Variants in MAK observed in about 807,000 individuals in gnomAD.
The protein encoded by MAK is male germ cell associated kinase, also known as serine/threonine-protein kinase MAK.
In MAK, 65 loss-of-function variants were observed where a neutral mutation model predicts 82.6. The observed-to-expected ratio is 0.79, with a 90% CI of 0.64 to 0.97. The LOEUF is 0.97. MAK is among the 50% of genes least tolerant of loss of function. The pLI is 0.00. For synonymous variants in MAK, 250 were observed against 274.2 expected, an observed-to-expected ratio of 0.91 and a Z score of 0.87; for missense variants, 703 against 780.2, an observed-to-expected ratio of 0.90 and a Z score of 1.18.
At position 10,813,724 on chromosome 6, in the gene MAK, C is replaced by T. The variant is rs765270920; in HGVS notation, c.279-1G>A. ...GACTGATTCAGGGAACAACTTGTTT[C>T]TGTAAAGAAATGAACAGTCACATAA... On this transcript the variant is annotated splice_acceptor_variant, in intron 4 of 14. Transcript: ENST00000354489. LOFTEE classifies it high-confidence loss of function. 4 of 1,562,476 alleles carry T rather than the reference C, an allele frequency of 2.6e-6. No individual in the cohort carries two copies. Among genetic ancestry groups the T allele is most frequent in the Non-Finnish European group, 3.5e-6 (4 of 1,133,398 alleles).
chr6:10,834,568 A>AT (rs1420423605), intron 1 of MAK, among the ~76,000 whole-genome samples: 1 of 152,160 alleles, frequency 6.6e-6, no homozygotes, highest in East Asian at 1.9e-4. Flanking sequence ...CCACCTTAAG[A>AT]TTCCTAATGC....
intron 11 of MAK, among the ~76,000 whole-genome samples, chr6:10,783,772 G>T (rs1431341572): frequency 6.6e-6 from 1 of 152,188 alleles, no homozygotes; most frequent in Non-Finnish European, 1.5e-5. Context: ...TGTCATCTCA[G>T]CACTTTGGGA....
chr6:10,799,190 T>C (rs985229454), intron 8 of MAK, among the ~76,000 whole-genome samples: 4 of 152,218 alleles, frequency 2.6e-5, no homozygotes, highest in Non-Finnish European at 5.9e-5. Flanking sequence ...TTGAACATCT[T>C]TGAGCATAAT....
At chr6:10,807,097 C>T (rs79808910) in intron 6 of MAK, among the ~76,000 whole-genome samples, 11,916 of 151,968 alleles carry the variant, frequency 0.078, 1,451 homozygotes, top group African/African-American at 0.26. Flanking sequence ...TTGTTTCCTA[C>T]GACTGCCCTC....
intron 5 of MAK, among the ~76,000 whole-genome samples, chr6:10,810,475 G>GCCTCTGGAATAGCTGGT (rs1776848435): frequency 4.0e-5 from 6 of 151,400 alleles, no homozygotes; most frequent in African/African-American, 1.5e-4. Context: ...GAATAGCTGG[G>GCCTCTGGAATAGCTGGT]ATTACAGGCG....
intron 14 of MAK, among the ~76,000 whole-genome samples, chr6:10,769,240 T>A (rs978164185): frequency 6.6e-6 from 1 of 152,164 alleles, no homozygotes; most frequent in Admixed American, 6.5e-5. Flanking sequence ...AATAAATAAA[T>A]TAAACTACAA....
chr6:10,779,539 A>G, intron 11 of MAK: 1 of 952,066 alleles, frequency 1.1e-6, no homozygotes, highest in Non-Finnish European at 1.3e-6. Context: ...CAGAATCCTA[A>G]AAGTCGATGC....
chr6:10,810,816 T>C (rs1049008965), intron 5 of MAK, among the ~76,000 whole-genome samples: 2 of 152,192 alleles, frequency 1.3e-5, no homozygotes, highest in African/African-American at 4.8e-5. Context: ...ACTTTTGTAA[T>C]GTAACGACAG....
chr6:10,813,696 G>C lies in MAK; in HGVS notation c.306C>G (p.Ile102Met). The C allele has an allele frequency of 6.2e-7, 1 of 1,604,238 alleles. No individual in the cohort carries two copies. Among genetic ancestry groups the C allele is most frequent in the East Asian group, 2.2e-5 (1 of 44,774 alleles). The change falls in exon 5 of 15, where the codon ATC becomes ATG. Residue 102 changes from isoleucine (I) to methionine (M), a missense_variant. Physicochemically the swap from Ile to Met is conservative, Grantham distance 10 (BLOSUM62 1). Coordinates refer to ENST00000354489, the MANE Select transcript of MAK (RefSeq NM_001242957.3). The stretch of plus-strand genomic sequence containing the variant: ...GCAATATTTGATACATAATATTTCT[G>C]ATGACTGATTCAGGGAACAACTTGT... ...DRNKLFPESV[I>M]RNIMYQILQG... is the part of the protein sequence containing the mutation.
rs568604498 is a variant in MAK at position 10,776,122 on chromosome 6, T to A, written c.1466-663A>T. On this transcript the variant is annotated intron_variant, in intron 11 of 14. Transcript: ENST00000354489. The surrounding 1 kb of genome is among the most constrained non-coding windows in gnomAD (Gnocchi z 4.3). ...ATTTTCATGTCACTTGTTTTGAGCG[T>A]ATATTCTTGGCCCAACCCTTGGTGT... Among the ~76,000 whole-genome samples the A allele has an allele frequency of 1.9e-3, 295 of 152,250 alleles. 1 individual carries two copies. The highest frequency in any genetic ancestry group is 6.7e-3 in the African/African-American group (279 of 41,534).
intron 11 of MAK, among the ~76,000 whole-genome samples, chr6:10,783,703 G>A (rs1017032507): frequency 2.0e-4 from 31 of 152,242 alleles, no homozygotes; most frequent in East Asian, 5.8e-4. Flanking sequence ...ATGCTCTTCC[G>A]AGCAGGCAGA....
intron 2 of MAK, among the ~76,000 whole-genome samples, chr6:10,821,533 C>T (rs1438226391): frequency 6.6e-6 from 1 of 152,064 alleles, no homozygotes; most frequent in African/African-American, 2.4e-5. Flanking sequence ...ACCTCAGCCT[C>T]CCAAAGTGCT....
intron 8 of MAK, among the ~76,000 whole-genome samples, chr6:10,797,125 A>G (rs927905267): frequency 6.7e-6 from 1 of 150,324 alleles, no homozygotes; most frequent in African/African-American, 2.4e-5. Flanking sequence ...TACTAGTAAT[A>G]AAAAAAAAAT....
intron 4 of MAK, 31 bp downstream of exon 4, chr6:10,817,819 A>G (rs929929209): frequency 6.9e-6 from 10 of 1,457,414 alleles, no homozygotes; most frequent in Admixed American, 1.8e-5. Context: ...CATGGAGAGA[A>G]TAACAGGGAA....
In MAK at chr6:10,830,124, C is replaced by CGTGTGTGTGTGT. The variant is rs35519970; in HGVS notation, c.101+412_101+423dup. Among the ~76,000 whole-genome samples, 803 of 141,580 alleles carry CGTGTGTGTGTGT rather than the reference C, an allele frequency of 5.7e-3. 6 individuals are homozygous for CGTGTGTGTGTGT. The highest frequency in any genetic ancestry group is 0.013 in the Admixed American group (177 of 14,094). 92.9% of individuals were successfully genotyped at this position (141,580 alleles called of 152,430 possible). A position where few individuals can be genotyped will look rare whatever the true frequency, so the allele number is the denominator to read the frequency against. ...AGCCACCGCACACAGCCTGTGTGCACGTGTGTGTGTGTGTGTGTGTGTGTG... is the reference window on the plus strand; with the variant it reads ...AGCCACCGCACACAGCCTGTGTGCACGTGTGTGTGTGTGTGTGTGTGTGTGTGTGTGTGTGTG... On this transcript the variant is annotated intron_variant, in intron 2 of 14. Transcript: ENST00000354489.
chr6:10,768,708 T>C (rs1315252153), intron 14 of MAK, among the ~76,000 whole-genome samples: 1 of 152,204 alleles, frequency 6.6e-6, no homozygotes, highest in African/African-American at 2.4e-5. Context: ...GAAAAGATAA[T>C]GAAGCAATTC....
chr6:10,806,505 ATTTTTTTTTTTTT>A (rs70991049), intron 6 of MAK, among the ~76,000 whole-genome samples: 2 of 117,140 alleles, frequency 1.7e-5, no homozygotes, highest in Non-Finnish European at 3.4e-5. Context: ...CACCCGTCTA[ATTTTTTTTTTTTT>A]TTTTTTTTTT....
chr6:10,796,235 A>C lies in MAK; in HGVS notation c.906T>G (p.Ser302=). 1 of 1,614,226 alleles carries C rather than the reference A, an allele frequency of 6.2e-7. No individual in the cohort carries two copies. The highest frequency in any genetic ancestry group is 8.5e-7 in the Non-Finnish European group (1 of 1,180,042). Residue 302 remains serine, a synonymous_variant, in exon 9 of 15, where the codon TCT becomes TCG. Transcript: ENST00000354489. ...CTAATGGTTGCAGCTGCTTATTTAA[A>C]GACTGTTTTGATTCCAGATGATTTG... ...PSSNHLESKQ[S]LNKQLQPLES... is the part of the protein sequence containing the mutation.
Position 10,813,666 on chromosome 6 carries a change from C to T in MAK, c.336G>A (p.Gly112=). The T allele has an allele frequency of 6.2e-7, 1 of 1,603,728 alleles. No individual in the cohort carries two copies. Among genetic ancestry groups the T allele is most frequent in the Non-Finnish European group, 8.5e-7 (1 of 1,170,828 alleles). The part of the protein sequence containing the change: ...IRNIMYQILQ[G]LAFIHKHGFF... ...TACCATGTTTATGGATAAAAGCCAGCCCTTGCAATATTTGATACATAATAT... is the reference window on the plus strand; with the variant it reads ...TACCATGTTTATGGATAAAAGCCAGTCCTTGCAATATTTGATACATAATAT... The change falls in exon 5 of 15, where the codon GGG becomes GGA. Residue 112 remains glycine (G), a synonymous_variant. Transcript: ENST00000354489.
Sources: gnomAD v4.1 joint callset for allele counts (sites outside exome capture counted in the v4.1 genomes callset) on GRCh38, gnomAD v4.1.1 for gene constraint, Gnocchi (gnomAD v3.1) non-coding constraint, MANE v1.5 for transcripts, NCBI Gene and HGNC (gene_info 2026-07-23, HGNC 2026-07-21) for gene names.